NAT10: variants seen among roughly 807,000 people sequenced by gnomAD.
NAT10 encodes the protein N-acetyltransferase 10.
In NAT10, 109 loss-of-function variants were observed where a neutral mutation model predicts 132.2. That is an observed-to-expected ratio of 0.82 (90% confidence interval 0.71 to 0.97). NAT10 has a LOEUF of 0.97. NAT10 is among the 50% of genes least tolerant of loss of function. The pLI is 0.00. For synonymous variants in NAT10, 479 were observed against 478.0 expected, an observed-to-expected ratio of 1.00 and a Z score of -0.03; for missense variants, 1,184 against 1,263.4, an observed-to-expected ratio of 0.94 and a Z score of 0.95.
chr11:34,130,102 A>G (rs890643217), intron 12 of NAT10, among the ~76,000 whole-genome samples: 3 of 152,356 alleles, frequency 2.0e-5, no homozygotes, highest in Admixed American at 2.0e-4. Context: ...TTTGAATATA[A>G]TAATGAGTAC....
chr11:34,110,064 C>T (rs1037791794), intron 3 of NAT10, among the ~76,000 whole-genome samples: 1 of 152,110 alleles, frequency 6.6e-6, no homozygotes, highest in African/African-American at 2.4e-5. Flanking sequence ...AGTGCTGTTC[C>T]TTGGCAGATA....
In NAT10 at chr11:34,118,520, G is replaced by C. The variant is rs781654120; in HGVS notation, c.780+17G>C. ...CTAGACCAGGTGAGTGTGGTGCTCA[G>C]CACTTCCAACACAAAGGTAGTAAAA... On this transcript the variant is annotated intron_variant, in intron 8 of 28. Coordinates refer to ENST00000257829, the MANE Select transcript of NAT10 (RefSeq NM_024662.3). 8.8e-6 allele frequency: 14 copies of C among 1,598,526 alleles called. No individual in the cohort carries two copies. The South Asian group carries it at 1.4e-4, about 17-fold the overall frequency.
At chr11:34,129,936 G>C (rs758021908) in intron 12 of NAT10, among the ~76,000 whole-genome samples, 3 of 151,994 alleles carry the variant, frequency 2.0e-5, no homozygotes, top group African/African-American at 4.8e-5. Flanking sequence ...GTCTTTTAAC[G>C]ACAAAAGTTT....
Position 34,123,839 on chromosome 11 carries a change from A to T in NAT10, c.992A>T (p.Asp331Val). 7 of 1,608,010 alleles carry T rather than the reference A, an allele frequency of 4.4e-6. No homozygotes were observed. Among genetic ancestry groups the T allele is most frequent in the Non-Finnish European group, 5.1e-6 (6 of 1,174,428 alleles). ...TTTGAATTTGTATTTAAAGGATTTG[A>T]TGCTCTGCAATATCAGGTAGGAAAT... ...TLFEFVFKGF[D>V]ALQYQEHLDY... Residue 331 changes from aspartate to valine, a missense_variant, in exon 10 of 29, where the codon GAT (aspartate) becomes GTT (valine). Transcript: ENST00000257829.
intron 1 of NAT10, 128 bp from the exon 2 acceptor site, chr11:34,108,083 G>A (rs1316822431): frequency 1.6e-5 from 10 of 608,472 alleles, no homozygotes; most frequent in South Asian, 8.7e-5. Context: ...TGTGGAGCTC[G>A]TAGAGGGTTA....
At chr11:34,138,077 T>C (rs1419370525) in intron 21 of NAT10, among the ~76,000 whole-genome samples, 3 of 152,110 alleles carry the variant, frequency 2.0e-5, no homozygotes, top group Non-Finnish European at 4.4e-5. Context: ...TAAAGAAGGA[T>C]TGTCCGATGG....
At chr11:34,137,146 C>T in intron 21 of NAT10, 120 bp downstream of exon 21, 1 of 1,078,700 alleles carries the variant, frequency 9.3e-7, no homozygotes, top group East Asian at 2.5e-5. Flanking sequence ...GTGGCTGTGC[C>T]TCTGAAGAGG....
chr11:34,131,527 G>A lies in NAT10; in HGVS notation c.1516G>A (p.Glu506Lys). 2 of 1,613,546 alleles carry A rather than the reference G, an allele frequency of 1.2e-6. No homozygotes were observed. Among genetic ancestry groups the A allele is most frequent in the Middle Eastern group, 3.3e-4 (2 of 6,024 alleles). Reference sequence around the variant, plus strand: ...AGGCTGCCCCTTGCCTGAAGCTTGTGAACTGTATCCTCCTCTGGGTTTCAC... The same window carrying A: ...AGGCTGCCCCTTGCCTGAAGCTTGTAAACTGTATCCTCCTCTGGGTTTCAC... ...VSGCPLPEACELYYVNRDTLF... is the reference protein window; with the variant it reads ...VSGCPLPEACKLYYVNRDTLF... Residue 506 changes from glutamate to lysine, a missense_variant, in exon 14 of 29, where the codon GAA becomes AAA. Transcript: ENST00000257829.
At chr11:34,120,849 CA>C (rs1453665872) in intron 8 of NAT10, among the ~76,000 whole-genome samples, 1 of 152,150 alleles carries the variant, frequency 6.6e-6, no homozygotes, top group Non-Finnish European at 1.5e-5. Flanking sequence ...GTTCTACATA[CA>C]GGGGCAGGGG....
Position 34,108,782 on chromosome 11 carries a change from A to G in NAT10, c.149A>G (p.Lys50Arg). ...LHHMLSKATV[K>R]ARPSVLWCYK... ...CACATGTTATCCAAAGCAACTGTGA[A>G]GGCTCGGCCTTCAGTGCTGTGGTGT... Residue 50 changes from lysine (K) to arginine (R), a missense_variant, in exon 3 of 29, where the codon AAG becomes AGG. By Grantham distance (26) the Lys-to-Arg change is conservative (BLOSUM62 2). Coordinates refer to ENST00000257829, the MANE Select transcript of NAT10 (RefSeq NM_024662.3). The G allele has an allele frequency of 6.2e-7, 1 of 1,613,896 alleles. No homozygotes were observed. The highest frequency in any genetic ancestry group is 8.5e-7 in the Non-Finnish European group (1 of 1,179,914).
chr11:34,125,689 A>G (rs1026319327), intron 11 of NAT10, among the ~76,000 whole-genome samples: 1 of 152,210 alleles, frequency 6.6e-6, no homozygotes, highest in East Asian at 1.9e-4. Context: ...TTGGCCGGGC[A>G]TGGTGGCTCA....
intron 11 of NAT10, among the ~76,000 whole-genome samples, chr11:34,127,093 A>C (rs555098854): frequency 1.4e-4 from 21 of 152,112 alleles, no homozygotes; most frequent in African/African-American, 4.8e-4. Context: ...AAAGGGAGCC[A>C]CCATCTATCT....
chr11:34,119,020 CT>C (rs1340102589), intron 8 of NAT10, among the ~76,000 whole-genome samples: 3 of 152,222 alleles, frequency 2.0e-5, no homozygotes, highest in African/African-American at 7.2e-5. Context: ...TTGCCTATAG[CT>C]TATTCAGAAG....
chr11:34,125,250 G>A (rs909193613), intron 11 of NAT10, among the ~76,000 whole-genome samples: 5 of 152,162 alleles, frequency 3.3e-5, no homozygotes. Flanking sequence ...TCCCCCAGCT[G>A]GGAGGAGGAA....
chr11:34,111,771 G>A (rs563829219), intron 3 of NAT10, among the ~76,000 whole-genome samples: 1 of 152,362 alleles, frequency 6.6e-6, no homozygotes, highest in South Asian at 2.1e-4. Context: ...GTGAGGGTTA[G>A]CTACCCTATT....
At position 34,118,650 on chromosome 11, in the gene NAT10, C is replaced by T. The variant is rs953150067; in HGVS notation, c.780+147C>T. On this transcript the variant is annotated intron_variant, in intron 8 of 28. Coordinates refer to ENST00000257829, the MANE Select transcript of NAT10 (RefSeq NM_024662.3). ...CTTGCTCATACTCGTGTGTGCTCAG[C>T]AACAGTAGGGCTATTTCATGTTGTG... 11 of 609,726 alleles carry T rather than the reference C, an allele frequency of 1.8e-5. No individual in the cohort carries two copies. The African/African-American group carries it at 1.8e-4, about 10-fold the overall frequency. The allele number at this position is 609,726 out of a possible 1,614,324, so 37.8% of individuals were successfully genotyped here. A position where few individuals can be genotyped will look rare whatever the true frequency, so the allele number is the denominator to read the frequency against.
Position 34,140,613 on chromosome 11 carries a change from GT to G in NAT10, c.2592+42del, listed in dbSNP as rs1340754513. 4 of 1,592,504 alleles carry G rather than the reference GT, an allele frequency of 2.5e-6. No homozygotes were observed. The African/African-American group carries it at 5.4e-5, about 21-fold the overall frequency. ...CTTGCGTGGAGGAGAAGCGAGGATT[GT>G]GGAGCTGTTCATTTGCTGGGTGTTG... On this transcript the variant is annotated intron_variant, in intron 24 of 28. Transcript: ENST00000257829.
intron 14 of NAT10, 133 bp downstream of exon 14, chr11:34,131,664 T>C: frequency 9.9e-7 from 1 of 1,006,716 alleles, no homozygotes; most frequent in Non-Finnish European, 1.4e-6. Flanking sequence ...CAATTTCCTT[T>C]TTCTCTTCCT....
intron 3 of NAT10, among the ~76,000 whole-genome samples, chr11:34,111,172 T>G (rs890231125): frequency 6.6e-6 from 1 of 152,216 alleles, no homozygotes; most frequent in African/African-American, 2.4e-5. Flanking sequence ...AAAAATCTAC[T>G]TTTGTACCTC....
Sources: gnomAD v4.1 joint callset for allele counts (sites outside exome capture counted in the v4.1 genomes callset) on GRCh38, gnomAD v4.1.1 for gene constraint, MANE v1.5 for transcripts, NCBI Gene and HGNC (gene_info 2026-07-23, HGNC 2026-07-21) for gene names.